Variants in GDAP1 observed in about 807,000 individuals in gnomAD.
GDAP1 encodes ganglioside-induced differentiation-associated protein 1.
A neutral mutation model predicts 40.1 loss-of-function variants in GDAP1; 34 were observed. The ratio of observed to expected loss-of-function variants is 0.85; its 90% confidence interval spans 0.64 to 1.13. The LOEUF is 1.13. Among genes scored for constraint, GDAP1 ranks in the 50% most tolerant of loss-of-function variants. The pLI is 0.00. For synonymous variants in GDAP1, 170 were observed against 157.4 expected, an observed-to-expected ratio of 1.08 and a Z score of -0.60; for missense variants, 374 against 433.7, an observed-to-expected ratio of 0.86 and a Z score of 1.22.
intron 2 of GDAP1, among the ~76,000 whole-genome samples, chr8:74,421,848 T>C (rs1407232009): frequency 6.6e-6 from 1 of 152,228 alleles, no homozygotes; most frequent in Non-Finnish European, 1.5e-5. Context: ...GACACTGTTA[T>C]TTTATTTTCA....
chr8:74,435,393 G>T (rs1806076393), intron 2 of GDAP1, among the ~76,000 whole-genome samples: 1 of 152,148 alleles, frequency 6.6e-6, no homozygotes, highest in Non-Finnish European at 1.5e-5. Flanking sequence ...CGCATTTAGT[G>T]GCAATTCAGT....
chr8:74,356,688 G>T lies in GDAP1; in HGVS notation c.311-3449G>T, dbSNP rs10113229. ...TGTGTGTGTGTGTGTGTGTGTGTGT[G>T]TGTTTGTGTGTGTGTATATATATAT... On this transcript the variant is annotated intron_variant, in intron 2 of 5. Transcript: ENST00000220822. 4.3e-3 allele frequency among the ~76,000 whole-genome samples: 434 copies of T among 101,628 alleles called. 1 individual carries two copies. Among genetic ancestry groups the T allele is most frequent in the Middle Eastern group, 0.01 (2 of 198 alleles). The allele number at this position is 101,628 out of a possible 152,430, so 66.7% of individuals were successfully genotyped here.
chr8:74,381,296 C>CA (rs1809949720), intron 2 of GDAP1, among the ~76,000 whole-genome samples: 1 of 151,596 alleles, frequency 6.6e-6, no homozygotes. Flanking sequence ...GAGTTCGTAA[C>CA]AAAAAAACTG....
intron 1 of GDAP1, 101 bp downstream of exon 1, chr8:74,350,679 C>G: frequency 1.2e-6 from 1 of 846,778 alleles, no homozygotes; most frequent in Non-Finnish European, 2.0e-6. Flanking sequence ...ACCTAGAAAT[C>G]CGCCTCCAGT....
rs1054516654 is a variant in GDAP1, at chr8:74,406,304, C to T, written c.165+54983C>T. Among the ~76,000 whole-genome samples, 14 of 150,252 alleles carry T rather than the reference C, an allele frequency of 9.3e-5. 2 individuals are homozygous for T. The highest frequency in any genetic ancestry group is 2.0e-4 in the African/African-American group (8 of 39,600). On this transcript the variant is annotated intron_variant, in intron 2 of 2. Transcript: ENST00000523640. The stretch of plus-strand genomic sequence containing the variant: ...GTTCAAATTAAAGTTTAAGACACTC[C>T]GTGCCATTTAATGAATTCTAGGCTA...
At chr8:74,356,463 T>C (rs1184621705) in intron 2 of GDAP1, among the ~76,000 whole-genome samples, 1 of 152,062 alleles carries the variant, frequency 6.6e-6, no homozygotes, top group African/African-American at 2.4e-5. Flanking sequence ...ACAATAATGC[T>C]ATAAATTTGT....
At chr8:74,432,098 G>T (rs1028673579) in intron 2 of GDAP1, among the ~76,000 whole-genome samples, 1 of 152,090 alleles carries the variant, frequency 6.6e-6, no homozygotes, top group Non-Finnish European at 1.5e-5. Flanking sequence ...AAGATAGAGG[G>T]TCTCTCTCTC....
At chr8:74,352,214 A>G (rs1808910047) in intron 2 of GDAP1, among the ~76,000 whole-genome samples, 1 of 152,188 alleles carries the variant, frequency 6.6e-6, no homozygotes, top group Non-Finnish European at 1.5e-5. Context: ...CTTGCCACTT[A>G]CACATTGTCT....
downstream of GDAP1, chr8:74,367,012 T>C: frequency 3.7e-6 from 1 of 270,724 alleles, no homozygotes; most frequent in Non-Finnish European, 7.3e-6. Flanking sequence ...TGCCATATTT[T>C]CGTTATAACA....
chr8:74,404,723 T>C (rs149073037), intron 2 of GDAP1, among the ~76,000 whole-genome samples: 1 of 149,936 alleles, frequency 6.7e-6, no homozygotes, highest in Non-Finnish European at 1.5e-5. Context: ...TCCATGACTT[T>C]TGAACCTATG....
intron 2 of GDAP1, among the ~76,000 whole-genome samples, chr8:74,473,178 A>G (rs1021131620): frequency 6.6e-6 from 1 of 151,250 alleles, no homozygotes; most frequent in African/African-American, 2.4e-5. Context: ...TAAGTTCTTG[A>G]TAGATGGTGA....
intron 2 of GDAP1, among the ~76,000 whole-genome samples, chr8:74,466,019 G>A (rs574537586): frequency 2.4e-4 from 36 of 152,166 alleles, no homozygotes; most frequent in African/African-American, 7.7e-4. Flanking sequence ...TGCTTATAGC[G>A]CAGACTCTCA....
rs1228573085 is a variant in GDAP1, at chr8:74,366,664, C to T, written c.*2297C>T. 1 of 453,594 alleles carries T rather than the reference C, an allele frequency of 2.2e-6. No individual in the cohort carries two copies. Among genetic ancestry groups the T allele is most frequent in the East Asian group, 7.0e-5 (1 of 14,386 alleles). 28.1% of individuals were successfully genotyped at this position (453,594 alleles called of 1,614,324 possible). On this transcript the variant is annotated 3_prime_UTR_variant, in exon 6 of 6. Transcript: ENST00000220822. ...TGTTGGCTTTTTGTGTCTTAACACA[C>T]ATAAATACTATTGTTATTGCAGCAG...
At chr8:74,444,019 T>TATCTATCA (rs1678054498) in intron 2 of GDAP1, among the ~76,000 whole-genome samples, 1 of 112,052 alleles carries the variant, frequency 8.9e-6, no homozygotes, top group African/African-American at 2.9e-5. Context: ...TCTATCTATC[T>TATCTATCA]ATCTATCATC....
At chr8:74,397,550 A>G (rs1325524503) in intron 2 of GDAP1, among the ~76,000 whole-genome samples, 1 of 152,104 alleles carries the variant, frequency 6.6e-6, no homozygotes, top group Non-Finnish European at 1.5e-5. Context: ...GAAGGAAGGG[A>G]TCCAGTTTCA....
intron 2 of GDAP1, among the ~76,000 whole-genome samples, chr8:74,409,537 G>C (rs756122289): frequency 9.3e-5 from 14 of 149,770 alleles, no homozygotes; most frequent in Non-Finnish European, 1.6e-4. Flanking sequence ...ATTTTTAGTA[G>C]AGATGGGGTT....
At chr8:74,351,000 A>G (rs956469853) in intron 1 of GDAP1, among the ~76,000 whole-genome samples, 3 of 152,114 alleles carry the variant, frequency 2.0e-5, no homozygotes, top group African/African-American at 7.2e-5. Context: ...ACCCATAATC[A>G]GGTTTAGGAC....
chr8:74,472,816 C>A (rs1046959830), intron 2 of GDAP1, among the ~76,000 whole-genome samples: 1 of 151,576 alleles, frequency 6.6e-6, no homozygotes, highest in African/African-American at 2.4e-5. Flanking sequence ...GTGTTGTGAT[C>A]TCTTGATTGT....
chr8:74,467,633 T>A (rs1806487467), intron 2 of GDAP1, among the ~76,000 whole-genome samples: 1 of 152,132 alleles, frequency 6.6e-6, no homozygotes, highest in Admixed American at 6.5e-5. Flanking sequence ...GAGTAGGTTC[T>A]TGGAATTGAG....
Sources: allele counts gnomAD v4.1 joint callset (sites outside exome capture counted in the v4.1 genomes callset), GRCh38; gene constraint gnomAD v4.1.1; transcripts MANE v1.5; gene names NCBI Gene and HGNC (gene_info 2026-07-23, HGNC 2026-07-21).